Variants in RANBP2 observed in about 807,000 individuals in gnomAD.
RANBP2 encodes the protein RAN binding protein 2, also known as E3 SUMO-protein ligase RanBP2.
Under a neutral mutation model 303.6 loss-of-function variants are expected in RANBP2, and 57 were observed. The ratio of observed to expected loss-of-function variants is 0.19; its 90% CI spans 0.15 to 0.23. The LOEUF (loss-of-function observed/expected upper bound fraction) is 0.23, where lower values mean the gene tolerates loss of function less well. Among genes scored for constraint, RANBP2 ranks in the 10% least tolerant of loss-of-function variants. RANBP2 has a pLI of 1.00. For synonymous variants in RANBP2, 1,167 were observed against 1,301.5 expected (o/e 0.90, Z 2.23); for missense variants, 3,138 against 3,780.8 (o/e 0.83, Z 4.46).
the RANBP2 span, among the ~76,000 whole-genome samples, chr2:109,149,068 T>A: frequency 2.0e-5 from 3 of 152,202 alleles, no homozygotes; most frequent in Non-Finnish European, 4.4e-5. Context: ...CTTCAGAGGC[T>A]TCAATTGAGT....
the RANBP2 span, among the ~76,000 whole-genome samples, chr2:109,018,874 A>G: frequency 6.6e-6 from 1 of 152,268 alleles, no homozygotes; most frequent in Non-Finnish European, 1.5e-5. Context: ...GTAAAGTTCT[A>G]TGAGGAGAGT....
the RANBP2 span, among the ~76,000 whole-genome samples, chr2:109,690,705 G>GT: frequency 6.6e-6 from 1 of 151,264 alleles, no homozygotes; most frequent in African/African-American, 2.4e-5. Context: ...CCTTCCAGAC[G>GT]TTCACCATCA....
chr2:108,855,450 G>A, the RANBP2 span, among the ~76,000 whole-genome samples: 1 of 151,660 alleles, frequency 6.6e-6, no homozygotes, highest in Non-Finnish European at 1.5e-5. Context: ...TTGCGTTCAG[G>A]CTTCATCTGT....
At chr2:109,390,371 G>C in the RANBP2 span, among the ~76,000 whole-genome samples, 5 of 152,166 alleles carry the variant, frequency 3.3e-5, no homozygotes, top group Non-Finnish European at 5.9e-5. Context: ...GGCTAATCAG[G>C]CCGTTCTGCT....
At chr2:109,256,614 GC>G in the RANBP2 span, among the ~76,000 whole-genome samples, 1 of 152,166 alleles carries the variant, frequency 6.6e-6, no homozygotes, top group African/African-American at 2.4e-5. Flanking sequence ...GAGGGGATTT[GC>G]CAATGGGATT....
chr2:108,921,489 G>A, the RANBP2 span, among the ~76,000 whole-genome samples: 2 of 152,336 alleles, frequency 1.3e-5, no homozygotes, highest in African/African-American at 4.8e-5. Context: ...GACCACAACT[G>A]TGGGTTTGAC....
At chr2:109,354,028 C>T in the RANBP2 span, among the ~76,000 whole-genome samples, 2 of 152,184 alleles carry the variant, frequency 1.3e-5, no homozygotes, top group African/African-American at 2.4e-5. Context: ...AGGGCCAGCC[C>T]GCTAGGTGGG....
the RANBP2 span, among the ~76,000 whole-genome samples, chr2:109,280,968 G>T: frequency 6.6e-6 from 1 of 152,320 alleles, no homozygotes; most frequent in Non-Finnish European, 1.5e-5. Context: ...AGGTGGCAGT[G>T]GTGATGCAGA....
At chr2:109,299,635 G>T in the RANBP2 span, among the ~76,000 whole-genome samples, 6 of 152,146 alleles carry the variant, frequency 3.9e-5, no homozygotes, top group East Asian at 1.2e-3. Flanking sequence ...ACCTTGAATT[G>T]TAAGGCCCTT....
the RANBP2 span, among the ~76,000 whole-genome samples, chr2:109,347,160 T>C: frequency 2.0e-4 from 30 of 152,216 alleles, no homozygotes; most frequent in African/African-American, 7.0e-4. Context: ...GAAAAAATGG[T>C]TGGATACTTG....
the RANBP2 span, chr2:109,504,503 AAAC>A: frequency 9.9e-6 from 1 of 101,352 alleles, no homozygotes; most frequent in Non-Finnish European, 2.7e-5. Flanking sequence ...TCACACACAC[AAAC>A]ACACACACCC....
the RANBP2 span, among the ~76,000 whole-genome samples, chr2:108,841,981 C>T: frequency 6.6e-6 from 1 of 152,084 alleles, no homozygotes; most frequent in Non-Finnish European, 1.5e-5. Context: ...GAGTACCCCT[C>T]CAATGATTAG....
the RANBP2 span, among the ~76,000 whole-genome samples, chr2:108,832,814 A>G: frequency 5.3e-4 from 81 of 152,288 alleles, 2 homozygotes; most frequent in South Asian, 7.5e-3. Flanking sequence ...ACGTGTATCT[A>G]TTACAGGGTA....
chr2:109,166,897 T>G, the RANBP2 span, among the ~76,000 whole-genome samples: 1 of 152,260 alleles, frequency 6.6e-6, no homozygotes, highest in African/African-American at 2.4e-5. Context: ...CTTACTACTT[T>G]AAAACATGCC....
At chr2:108,772,632 T>C in intron 22 of RANBP2, 51 bp downstream of exon 22, 1 of 1,511,132 alleles carries the variant, frequency 6.6e-7, no homozygotes, top group East Asian at 2.3e-5. Flanking sequence ...GTCTTCTATT[T>C]AGAAGGAATA....
At chr2:109,067,932 C>T in the RANBP2 span, among the ~76,000 whole-genome samples, 12 of 152,346 alleles carry the variant, frequency 7.9e-5, no homozygotes, top group South Asian at 6.2e-4. Flanking sequence ...GCTCCAGCTC[C>T]AGCTGCTGGG....
the RANBP2 span, among the ~76,000 whole-genome samples, chr2:109,078,708 C>G: frequency 6.7e-6 from 1 of 149,644 alleles, no homozygotes; most frequent in Non-Finnish European, 1.5e-5. Context: ...GTGGGCCGGG[C>G]GCGTTGGTGC....
the RANBP2 span, among the ~76,000 whole-genome samples, chr2:109,034,589 A>G: frequency 6.6e-6 from 1 of 152,216 alleles, no homozygotes; most frequent in Admixed American, 6.5e-5. Context: ...AAGCAAATTC[A>G]GCTCCTTTTA....
the RANBP2 span, among the ~76,000 whole-genome samples, chr2:109,056,420 C>T: frequency 2.0e-5 from 3 of 152,186 alleles, no homozygotes; most frequent in South Asian, 2.1e-4. Context: ...CCTCCCGTCT[C>T]GGCCTCCCAA....
Sources: allele counts gnomAD v4.1 joint callset (sites outside exome capture counted in the v4.1 genomes callset), GRCh38; gene constraint gnomAD v4.1.1; transcripts MANE v1.5; gene names NCBI Gene and HGNC (gene_info 2026-07-23, HGNC 2026-07-21).